The following PCDHA6 variants were observed in gnomAD, a reference collection of about 807,000 sequenced individuals.
PCDHA6 encodes the protein protocadherin alpha 6.
PCDHA6 carries 55 observed loss-of-function variants against 60.3 expected under a neutral mutation model. That is an observed-to-expected ratio of 0.91 (90% CI 0.73 to 1.14). The LOEUF is 1.14. Among genes scored for constraint, PCDHA6 ranks in the 50% most tolerant of loss-of-function variants. PCDHA6 has a pLI of 0.00. For missense variants in PCDHA6, 1,327 were observed against 1,256.5 expected, an observed-to-expected ratio of 1.06 and a Z score of -0.85; for synonymous variants, 652 against 557.9, an observed-to-expected ratio of 1.17 and a Z score of -2.38.
intron 1 of PCDHA6, chr5:140,871,160 C>G (rs1554165222): frequency 1.2e-6 from 2 of 1,613,470 alleles, no homozygotes; most frequent in South Asian, 1.1e-5. Flanking sequence ...GCGGGCGCCG[C>G]GAGCCCAGAG....
At chr5:140,838,209 G>C (rs1580889763) in intron 1 of PCDHA6, among the ~76,000 whole-genome samples, 1 of 149,446 alleles carries the variant, frequency 6.7e-6, no homozygotes, top group Admixed American at 6.7e-5. Flanking sequence ...CGCCTCTCTG[G>C]TACAAGCAGT....
At chr5:140,947,221 T>A (rs181563367) in intron 1 of PCDHA6, among the ~76,000 whole-genome samples, 1 of 151,730 alleles carries the variant, frequency 6.6e-6, no homozygotes, top group East Asian at 1.9e-4. Context: ...TCCTGTCATT[T>A]ATGACAGGAA....
At chr5:140,908,958 T>C (rs555962129) in intron 1 of PCDHA6, among the ~76,000 whole-genome samples, 2 of 152,268 alleles carry the variant, frequency 1.3e-5, no homozygotes, top group East Asian at 3.9e-4. Context: ...AGAAGGAATA[T>C]CTTGATAGGC....
chr5:140,909,771 C>T (rs907087409), intron 1 of PCDHA6, among the ~76,000 whole-genome samples: 49 of 152,200 alleles, frequency 3.2e-4, no homozygotes, highest in African/African-American at 1.1e-3. Flanking sequence ...TCCAGGGACC[C>T]ACTGGACCCA....
intron 1 of PCDHA6, among the ~76,000 whole-genome samples, chr5:140,951,495 G>A (rs1554219919): frequency 1.3e-5 from 2 of 151,958 alleles, no homozygotes; most frequent in African/African-American, 4.8e-5. Context: ...ATGGTGGAAG[G>A]CAAAAGGAAA....
intron 1 of PCDHA6, among the ~76,000 whole-genome samples, chr5:140,887,146 G>A (rs1160453059): frequency 9.9e-5 from 15 of 151,600 alleles, no homozygotes; most frequent in Non-Finnish European, 2.1e-4. Context: ...GCCCAGGCTG[G>A]AGTACAGTGG....
chr5:140,988,622 ATGTCCTGGTTTTC>A (rs2097306090), intron 3 of PCDHA6, among the ~76,000 whole-genome samples: 1 of 152,124 alleles, frequency 6.6e-6, no homozygotes, highest in Non-Finnish European at 1.5e-5. Context: ...TAGAATGGAG[ATGTCCTGGTTTTC>A]TGAAATTAAA....
rs990142871 is a variant in PCDHA6, at chr5:140,854,493, T to G, written c.2394+24008T>G. 2.7e-5 allele frequency: 4 copies of G among 149,954 alleles called. No homozygotes were observed. The Admixed American group carries it at 2.7e-4, about 10-fold the overall frequency. The allele number at this position is 149,954 out of a possible 1,614,324, so 9.3% of individuals were successfully genotyped here. On this transcript the variant is annotated intron_variant, in intron 1 of 3. Transcript: ENST00000529310. ...AGAGAAGTATAGAAACAGAATTTAG[T>G]AGGACACATAAACTGATGGATTAAG...
chr5:140,861,870 GC>G (rs1319389506), intron 1 of PCDHA6: 1 of 156,092 alleles, frequency 6.4e-6, no homozygotes, highest in East Asian at 1.9e-4. Context: ...ACTGATGGGG[GC>G]GAAGCTGAGC....
chr5:140,850,685 C>G lies in PCDHA6; in HGVS notation c.2394+20200C>G, dbSNP rs1390345550. ...GGTGCTCGGCGATGCCCACCGAGGGCGAGTGCGCGCCTGGCAAGCCGACGC... is the reference window on the plus strand; with the variant it reads ...GGTGCTCGGCGATGCCCACCGAGGGGGAGTGCGCGCCTGGCAAGCCGACGC... On this transcript the variant is annotated intron_variant, in intron 1 of 3. Transcript: ENST00000529310. 25 of 1,598,270 alleles carry G rather than the reference C, an allele frequency of 1.6e-5. 2 individuals are homozygous for G. The highest frequency in any genetic ancestry group is 1.7e-4 in the Middle Eastern group (1 of 6,016).
intron 1 of PCDHA6, chr5:140,929,266 C>T (rs1333907609): frequency 6.2e-7 from 1 of 1,611,352 alleles, no homozygotes; most frequent in Middle Eastern, 1.7e-4. Flanking sequence ...ACTGAATTTG[C>T]CAATATCCTG....
chr5:140,928,701 G>T, intron 1 of PCDHA6: 1 of 1,614,132 alleles, frequency 6.2e-7, no homozygotes, highest in Non-Finnish European at 8.5e-7. Context: ...TCTCCCGGGC[G>T]TCTGACTCTA....
intron 1 of PCDHA6, among the ~76,000 whole-genome samples, chr5:140,838,466 C>T (rs1775745526): frequency 6.6e-6 from 1 of 151,588 alleles, no homozygotes; most frequent in South Asian, 2.1e-4. Context: ...TTCATTAGCG[C>T]TTATTCCTTG....
chr5:140,916,046 C>T (rs2077416983), intron 1 of PCDHA6, among the ~76,000 whole-genome samples: 1 of 152,202 alleles, frequency 6.6e-6, no homozygotes, highest in Admixed American at 6.5e-5. Context: ...TTTCCACAGG[C>T]AGAGGTGCCT....
At chr5:140,850,475 G>T (rs2150485791) in intron 1 of PCDHA6, 2 of 1,597,894 alleles carry the variant, frequency 1.3e-6, no homozygotes, top group African/African-American at 2.7e-5. Flanking sequence ...CAGCGCTGAC[G>T]GCCACGGCCA....
At chr5:140,863,452 G>T in intron 1 of PCDHA6, 2 of 561,032 alleles carry the variant, frequency 3.6e-6, no homozygotes, top group Non-Finnish European at 6.8e-6. Flanking sequence ...TCGCAGCAAA[G>T]GAGATTTTAC....
intron 1 of PCDHA6, chr5:140,966,814 CCGG>C (rs2096057641): frequency 1.9e-6 from 3 of 1,552,444 alleles, no homozygotes; most frequent in Non-Finnish European, 2.6e-6. Flanking sequence ...ATCCACGGCT[CCGG>C]CGGCCCATGC....
chr5:140,886,097 A>C (rs1341108712), intron 1 of PCDHA6, among the ~76,000 whole-genome samples: 1 of 152,214 alleles, frequency 6.6e-6, no homozygotes, highest in Admixed American at 6.5e-5. Context: ...ATTGACATTG[A>C]TACAGTAAAG....
rs782513442 is a variant in PCDHA6 at position 140,877,300 on chromosome 5, G to C, written c.2394+46815G>C. 7 of 1,613,828 alleles carry C rather than the reference G, an allele frequency of 4.3e-6. No homozygotes were observed. The South Asian group carries it at 4.4e-5, about 10-fold the overall frequency. Reference sequence around the variant, plus strand: ...CGGCTATAACGCTTGGCTGTCCTACGAGTTGCAACCGGCGGCGGTCGGCGC... The same window carrying C: ...CGGCTATAACGCTTGGCTGTCCTACCAGTTGCAACCGGCGGCGGTCGGCGC... On this transcript the variant is annotated intron_variant, in intron 1 of 3. Transcript: ENST00000529310.
Sources: gnomAD v4.1 joint callset for allele counts (sites outside exome capture counted in the v4.1 genomes callset) on GRCh38, gnomAD v4.1.1 for gene constraint, MANE v1.5 for transcripts, NCBI Gene and HGNC (gene_info 2026-07-23, HGNC 2026-07-21) for gene names.